The following MYO15A variants were observed in gnomAD, a reference collection of about 807,000 sequenced individuals.
The protein encoded by MYO15A is myosin XVA.
Under a neutral mutation model 394.6 loss-of-function variants are expected in MYO15A, and 308 were observed. The ratio of observed to expected loss-of-function variants is 0.78; its 90% CI spans 0.71 to 0.86. The LOEUF (loss-of-function observed/expected upper bound fraction) is 0.86, where lower values mean the gene tolerates loss of function less well. Among genes scored for constraint, MYO15A ranks in the 40% least tolerant of loss-of-function variants. The probability of loss-of-function intolerance (pLI) is 0.00; values close to 1 mark genes in which losing one functional copy is unlikely to be tolerated. For synonymous variants in MYO15A, 1,957 were observed against 2,003.8 expected (o/e 0.98, Z 0.62); for missense variants, 4,606 against 4,799.1 (o/e 0.96, Z 1.19).
In MYO15A at chr17:18,163,769, T is replaced by C. The variant is rs762749198; in HGVS notation, c.9718T>C (p.Cys3240Arg). ...TVALDVVEEI[C>R]AEMALTRPEA... Reference sequence around the variant, plus strand: ...GGCCCTGGACGTGGTGGAAGAGATATGTGCTGAGATGGCTCTGACACGCCC... The same window carrying C: ...GGCCCTGGACGTGGTGGAAGAGATACGTGCTGAGATGGCTCTGACACGCCC... The change falls in exon 60 of 66, where the codon TGT becomes CGT. Residue 3240 changes from cysteine to arginine, a missense_variant. By Grantham distance (180) the Cys-to-Arg change is radical. Coordinates refer to ENST00000647165, the MANE Select transcript of MYO15A (RefSeq NM_016239.4). The C allele has an allele frequency of 1.2e-6, 2 of 1,613,966 alleles. No homozygotes were observed. Among genetic ancestry groups the C allele is most frequent in the Non-Finnish European group, 1.7e-6 (2 of 1,179,916 alleles).
At chr17:18,158,373 CA>C in intron 51 of MYO15A, 149 bp from the exon 52 acceptor site, 1 of 641,220 alleles carries the variant, frequency 1.6e-6, no homozygotes, top group Non-Finnish European at 2.6e-6. Context: ...GGGGTAAGAA[CA>C]ACGGGATGCG....
Position 18,158,633 on chromosome 17 carries a change from A to G in MYO15A, c.9078A>G (p.Arg3026=). Residue 3026 remains arginine, a synonymous_variant, in exon 52 of 66, where the codon AGA becomes AGG. Coordinates refer to ENST00000647165, the MANE Select transcript of MYO15A (RefSeq NM_016239.4). ...AQKYFRDPQR[R]PQDGLRLKSK... ...AGTATTTCCGAGACCCTCAGAGGAGACCCCAGTGAGTGGCGGCCCCACCCC... is the reference window on the plus strand; with the variant it reads ...AGTATTTCCGAGACCCTCAGAGGAGGCCCCAGTGAGTGGCGGCCCCACCCC... The G allele has an allele frequency of 6.2e-7, 1 of 1,613,750 alleles. No homozygotes were observed. Among genetic ancestry groups the G allele is most frequent in the South Asian group, 1.1e-5 (1 of 91,062 alleles).
At chr17:18,138,369 A>G in intron 17 of MYO15A, 123 bp downstream of exon 17, 1 of 1,252,200 alleles carries the variant, frequency 8.0e-7, no homozygotes, top group Non-Finnish European at 1.1e-6. Context: ...GGGGGTTGGG[A>G]CACCCGACCT....
intron 2 of MYO15A, chr17:18,123,208 ATGCCT>A (rs1438234626): frequency 1.3e-5 from 2 of 152,270 alleles, no homozygotes; most frequent in African/African-American, 4.8e-5. Context: ...TCTGCAGACC[ATGCCT>A]GGCGGAGCAG....
chr17:18,141,915 C>G, intron 23 of MYO15A, 145 bp downstream of exon 23: 2 of 1,191,760 alleles, frequency 1.7e-6, no homozygotes, highest in South Asian at 2.4e-5. Flanking sequence ...CTACCTGATT[C>G]ACCAGCATCC....
chr17:18,112,173 C>T (rs2045730189), intron 1 of MYO15A, among the ~76,000 whole-genome samples: 1 of 151,284 alleles, frequency 6.6e-6, no homozygotes, highest in Admixed American at 6.6e-5. Context: ...GGGAGGTGCT[C>T]TTGGGCCTGA....
intron 42 of MYO15A, 76 bp downstream of exon 42, chr17:18,152,260 G>A (rs529838964): frequency 3.5e-4 from 494 of 1,405,044 alleles, no homozygotes; most frequent in Middle Eastern, 2.6e-3. Flanking sequence ...TGAGTGTGTC[G>A]GTGGAGTGTG....
chr17:18,171,318 G>A (rs1268886626), intron 62 of MYO15A, among the ~76,000 whole-genome samples: 1 of 152,140 alleles, frequency 6.6e-6, no homozygotes, highest in Non-Finnish European at 1.5e-5. Flanking sequence ...ATTGCCTTGG[G>A]TTCACATCTT....
intron 30 of MYO15A, among the ~76,000 whole-genome samples, chr17:18,146,658 C>T (rs578033587): frequency 6.6e-6 from 1 of 152,332 alleles, no homozygotes; most frequent in Non-Finnish European, 1.5e-5. Flanking sequence ...GACGCAGTGG[C>T]TCAGGCCTGT....
At position 18,122,123 on chromosome 17, in the gene MYO15A, A is replaced by G. The variant is rs1188861312; in HGVS notation, c.3323A>G (p.Gln1108Arg). The change falls in exon 2 of 66, where the codon CAG becomes CGG. Residue 1108 changes from glutamine to arginine, a missense_variant. Physicochemically the swap from Gln to Arg is conservative, Grantham distance 43. This residue lies in a region of MYO15A where 1,830 missense variants were observed against 1,689.7 expected (regional missense o/e 1.08). Coordinates refer to ENST00000647165, the MANE Select transcript of MYO15A (RefSeq NM_016239.4). ...CTGCCCAAGGGGGGTGAACGGCGCCAGGCAGCCCCTGGGCGTTTTGCTGTG... is the reference window on the plus strand; with the variant it reads ...CTGCCCAAGGGGGGTGAACGGCGCCGGGCAGCCCCTGGGCGTTTTGCTGTG... ...EPLPKGGERR[Q>R]AAPGRFAVVM... 1 of 1,612,792 alleles carries G rather than the reference A, an allele frequency of 6.2e-7. No homozygotes were observed. The highest frequency in any genetic ancestry group is 1.3e-5 in the African/African-American group (1 of 74,934).
chr17:18,123,701 C>G (rs2045980764), intron 2 of MYO15A: 1 of 154,132 alleles, frequency 6.5e-6, no homozygotes, highest in Non-Finnish European at 1.4e-5. Context: ...GGGGTCTGAG[C>G]AGATGTGGCA....
chr17:18,135,925 G>T, intron 13 of MYO15A, 101 bp downstream of exon 13: 1 of 1,072,000 alleles, frequency 9.3e-7, no homozygotes, highest in Non-Finnish European at 1.4e-6. Flanking sequence ...CCTCTCTCCT[G>T]CTCTCTCTGT....
chr17:18,144,425 G>A, intron 28 of MYO15A, 72 bp from the exon 29 acceptor site: 2 of 1,364,590 alleles, frequency 1.5e-6, no homozygotes, highest in East Asian at 2.3e-5. Flanking sequence ...GCCCCATGTG[G>A]CACAGAGCAG....
chr17:18,137,893 G>A, intron 16 of MYO15A: 1 of 832,876 alleles, frequency 1.2e-6, no homozygotes, highest in South Asian at 1.7e-5. Context: ...AGTCCCCTTG[G>A]TGGGGGTCCT....
In MYO15A at chr17:18,136,629, G is replaced by T; in HGVS notation, c.4722G>T (p.Leu1574=). ...GGCTCATCACCAGGGTCAACGCGCT[G>T]GTGTCCCCAAGGCAGGACACACTGT... The part of the protein sequence containing the change: ...FSWLITRVNA[L]VSPRQDTLSI... The change falls in exon 15 of 66, where the codon CTG becomes CTT. Residue 1574 remains leucine (L), a synonymous_variant. Transcript: ENST00000647165. 1 of 1,613,594 alleles carries T rather than the reference G, an allele frequency of 6.2e-7. No homozygotes were observed. The highest frequency in any genetic ancestry group is 8.5e-7 in the Non-Finnish European group (1 of 1,179,994).
chr17:18,142,686 C>A, intron 24 of MYO15A, 70 bp from the exon 25 acceptor site: 1 of 1,358,952 alleles, frequency 7.4e-7, no homozygotes, highest in Non-Finnish European at 1.0e-6. Context: ...CTGGCAAGGG[C>A]CTCTCTACCT....
Position 18,126,866 on chromosome 17 carries a change from G to A in MYO15A, c.3941+1G>A, listed in dbSNP as rs576985725. On this transcript the variant is annotated splice_donor_variant, in intron 6 of 65. Coordinates refer to ENST00000647165, the MANE Select transcript of MYO15A (RefSeq NM_016239.4). LOFTEE classifies it high-confidence loss of function. ...AACAGAACCAGTGCATAATCATTAG[G>A]TGAGTGGGCTGCCTTTATGTGGGGG... 2 of 1,614,040 alleles carry A rather than the reference G, an allele frequency of 1.2e-6. No homozygotes were observed. Among genetic ancestry groups the A allele is most frequent in the South Asian group, 1.1e-5 (1 of 91,074 alleles).
chr17:18,145,788 G>C, intron 29 of MYO15A, 84 bp from the exon 30 acceptor site: 1 of 1,169,826 alleles, frequency 8.5e-7, no homozygotes, highest in Non-Finnish European at 1.3e-6. Context: ...ACATGGGAGG[G>C]ACATGAGAGG....
rs754793472 is a variant in MYO15A at position 18,173,874 on chromosome 17, C to A, written c.10444C>A (p.Leu3482Met). 6.2e-7 allele frequency: 1 copy of A among 1,613,164 alleles called. No individual in the cohort carries two copies. The stretch of plus-strand genomic sequence containing the variant: ...CAGCTACCCCTATGTGGAGATTGCG[C>A]TGGGGGACGTGGCGGCCCAGCGCAC... ...NSSYPYVEIA[L>M]GDVAAQRTLQ... Residue 3482 changes from leucine to methionine, a missense_variant, in exon 65 of 66, where the codon CTG becomes ATG. Coordinates refer to ENST00000647165, the MANE Select transcript of MYO15A (RefSeq NM_016239.4).
Sources: gnomAD v4.1 joint callset for allele counts (sites outside exome capture counted in the v4.1 genomes callset) on GRCh38, gnomAD v4.1.1 for gene constraint, gnomAD v4.1.1 regional missense constraint, MANE v1.5 for transcripts, NCBI Gene and HGNC (gene_info 2026-07-23, HGNC 2026-07-21) for gene names.